The following MTUS1 variants were observed in gnomAD, a reference collection of about 807,000 sequenced individuals.
MTUS1 encodes the protein microtubule associated scaffold protein 1.
In MTUS1, 109 loss-of-function variants were observed where a neutral mutation model predicts 120.8. The ratio of observed to expected loss-of-function variants is 0.90; its 90% confidence interval spans 0.77 to 1.06. MTUS1 has a LOEUF of 1.06. Among genes scored for constraint, MTUS1 ranks in the 50% least tolerant of loss-of-function variants. MTUS1 has a pLI of 0.00. For synonymous variants in MTUS1, 737 were observed against 550.5 expected (o/e 1.34, Z -4.74); for missense variants, 2,210 against 1,486.3 (o/e 1.49, Z -8.01).
At chr8:17,785,000 G>C (rs1302104714) in intron 1 of MTUS1, among the ~76,000 whole-genome samples, 1 of 152,042 alleles carries the variant, frequency 6.6e-6, no homozygotes, top group Non-Finnish European at 1.5e-5. Flanking sequence ...GGCCAGGCTG[G>C]TCTTGAACTC....
chr8:17,670,453 A>G (rs1327567838), intron 8 of MTUS1, among the ~76,000 whole-genome samples: 1 of 152,196 alleles, frequency 6.6e-6, no homozygotes, highest in African/African-American at 2.4e-5. Flanking sequence ...ACTTTCCCCC[A>G]GCCCATTAAA....
intron 6 of MTUS1, among the ~76,000 whole-genome samples, chr8:17,697,053 A>C (rs1197661271): frequency 1.3e-5 from 2 of 152,214 alleles, no homozygotes; most frequent in Admixed American, 6.5e-5. Context: ...AACACAAACA[A>C]CACAATCTGC....
At chr8:17,664,568 C>G (rs575022294) in intron 8 of MTUS1, among the ~76,000 whole-genome samples, 1 of 151,854 alleles carries the variant, frequency 6.6e-6, no homozygotes, top group East Asian at 2.0e-4. Context: ...GGAAACCGGC[C>G]TCCTCCTCTC....
intron 6 of MTUS1, among the ~76,000 whole-genome samples, chr8:17,686,397 A>G (rs1457334871): frequency 6.6e-6 from 1 of 152,254 alleles, no homozygotes; most frequent in African/African-American, 2.4e-5. Context: ...ACAAACCTAC[A>G]TATAAACATC....
chr8:17,756,679 C>CCCCCCCA (rs58787907), intron 1 of MTUS1, among the ~76,000 whole-genome samples: 558 of 123,454 alleles, frequency 4.5e-3, no homozygotes, highest in Non-Finnish European at 6.2e-3. Context: ...AAACCCCCAC[C>CCCCCCCA]CCTTATGTAA....
In MTUS1 at chr8:17,749,610, G is replaced by T. The variant is rs187193322; in HGVS notation, c.2091+4107C>A. 8.9e-4 allele frequency among the ~76,000 whole-genome samples: 130 copies of T among 146,460 alleles called. 1 individual carries two copies. Among genetic ancestry groups the T allele is most frequent in the African/African-American group, 3.1e-3 (123 of 39,492 alleles). ...CGGGAGGCAGAGGCTGCAGTGAGCC[G>T]AGAGATCACACCACTGCACCCCCAG... On this transcript the variant is annotated intron_variant, in intron 2 of 14. Coordinates refer to ENST00000693296, the MANE Select transcript of MTUS1 (RefSeq NM_001363059.2).
In MTUS1 at chr8:17,646,012, TG is replaced by T; in HGVS notation, c.3726del (p.Lys1243ArgfsTer42). ...ATGGCGGAGGATGTGGGGGATCTCTTGGGGCTACACAGGTCCCCATTGTGCA... is the reference window on the plus strand; with the variant it reads ...ATGGCGGAGGATGTGGGGGATCTCTTGGGCTACACAGGTCCCCATTGTGCA... ...WKLHNGDLCS[P>X]KRSPTSSAIP... On this transcript the variant is annotated frameshift_variant, in exon 15 of 15. Coordinates refer to ENST00000693296, the MANE Select transcript of MTUS1 (RefSeq NM_001363059.2). LOFTEE classifies it high-confidence loss of function. 1 of 1,613,734 alleles carries T rather than the reference TG, an allele frequency of 6.2e-7. No homozygotes were observed. The highest frequency in any genetic ancestry group is 8.5e-7 in the Non-Finnish European group (1 of 1,179,962).
intron 1 of MTUS1, among the ~76,000 whole-genome samples, chr8:17,773,013 T>C (rs545771081): frequency 8.1e-4 from 123 of 152,290 alleles, no homozygotes; most frequent in African/African-American, 2.8e-3. Context: ...CCTTTCCATA[T>C]TGTTCATGCA....
intron 1 of MTUS1, among the ~76,000 whole-genome samples, chr8:17,758,742 T>C (rs540795611): frequency 1.6e-4 from 25 of 152,332 alleles, no homozygotes; most frequent in Non-Finnish European, 1.0e-4. Context: ...TTAGCATAGA[T>C]CGTGGGAACT....
intron 3 of MTUS1, among the ~76,000 whole-genome samples, chr8:17,725,430 G>T (rs144371784): frequency 2.6e-5 from 4 of 152,178 alleles, no homozygotes; most frequent in African/African-American, 9.7e-5. Context: ...ATCCATGTGT[G>T]CTCTGCTCCG....
chr8:17,778,384 A>G (rs567171686), intron 1 of MTUS1, among the ~76,000 whole-genome samples: 2 of 152,240 alleles, frequency 1.3e-5, no homozygotes, highest in Non-Finnish European at 2.9e-5. Context: ...GGGCACAAGG[A>G]AACTTTGAAA....
At chr8:17,660,958 A>G (rs1267653501) in intron 8 of MTUS1, among the ~76,000 whole-genome samples, 1 of 152,216 alleles carries the variant, frequency 6.6e-6, no homozygotes, top group Non-Finnish European at 1.5e-5. Context: ...ACGCAACTCA[A>G]GCCTTTGGGA....
chr8:17,792,942 C>T (rs993659815), intron 1 of MTUS1, among the ~76,000 whole-genome samples: 1 of 152,126 alleles, frequency 6.6e-6, no homozygotes, highest in Non-Finnish European at 1.5e-5. Flanking sequence ...AGTTCAATAA[C>T]CAGCAAGTCT....
chr8:17,725,040 A>T (rs183541458), intron 3 of MTUS1, among the ~76,000 whole-genome samples: 2 of 152,076 alleles, frequency 1.3e-5, no homozygotes, highest in African/African-American at 4.8e-5. Flanking sequence ...ACAGGTGTAA[A>T]CCACCCCACC....
At chr8:17,676,171 G>C in intron 7 of MTUS1, 1 of 686,056 alleles carries the variant, frequency 1.5e-6, no homozygotes, top group Non-Finnish European at 2.7e-6. Flanking sequence ...GGCCTTTGCA[G>C]GCAAGAGTTG....
Position 17,654,541 on chromosome 8 carries a change from AG to A in MTUS1, c.3214+19del. ...CCTTCAGATTTTATTCTGTTTAAAG[AG>A]GAAAAAAAGCATCCTTGCCTGAAAG... On this transcript the variant is annotated intron_variant, in intron 10 of 14. Transcript: ENST00000693296. 1 of 1,443,750 alleles carries A rather than the reference AG, an allele frequency of 6.9e-7. No individual in the cohort carries two copies. Among genetic ancestry groups the A allele is most frequent in the Non-Finnish European group, 9.8e-7 (1 of 1,025,394 alleles). The allele number at this position is 1,443,750 out of a possible 1,614,324, so 89.4% of individuals were successfully genotyped here. A position where few individuals can be genotyped will look rare whatever the true frequency, so the allele number is the denominator to read the frequency against.
At chr8:17,658,746 A>T (rs1267743809) in intron 8 of MTUS1, among the ~76,000 whole-genome samples, 2 of 152,180 alleles carry the variant, frequency 1.3e-5, no homozygotes, top group South Asian at 2.1e-4. Context: ...GAACGTGAAA[A>T]TGGCAGGTTC....
At chr8:17,650,237 T>G (rs1806699074) in intron 12 of MTUS1, among the ~76,000 whole-genome samples, 1 of 152,216 alleles carries the variant, frequency 6.6e-6, no homozygotes, top group African/African-American at 2.4e-5. Flanking sequence ...AGAAAAACTT[T>G]GCTTACATAC....
intron 8 of MTUS1, among the ~76,000 whole-genome samples, chr8:17,673,190 G>T (rs1011318981): frequency 6.6e-6 from 1 of 152,238 alleles, no homozygotes; most frequent in African/African-American, 2.4e-5. Flanking sequence ...CTGCTGTCAA[G>T]TTAAGTAACA....
Sources: allele counts gnomAD v4.1 joint callset (sites outside exome capture counted in the v4.1 genomes callset), GRCh38; gene constraint gnomAD v4.1.1; transcripts MANE v1.5; gene names NCBI Gene and HGNC (gene_info 2026-07-23, HGNC 2026-07-21).